MCC: variants seen among roughly 807,000 people sequenced by gnomAD.
MCC encodes the protein colorectal mutant cancer protein.
In MCC, 90 loss-of-function variants were observed where a neutral mutation model predicts 116.2. That is an observed-to-expected ratio of 0.77 (90% CI 0.65 to 0.92). The LOEUF is 0.92. Ranked by LOEUF, MCC falls within the 40% of genes least tolerant of loss-of-function variation. MCC has a pLI of 0.00. For synonymous variants in MCC, 578 were observed against 510.5 expected (o/e 1.13, Z -1.78); for missense variants, 1,516 against 1,312.2 (o/e 1.16, Z -2.40).
intron 3 of MCC, among the ~76,000 whole-genome samples, chr5:113,179,570 A>C (rs561267752): frequency 8.5e-5 from 13 of 152,246 alleles, no homozygotes; most frequent in Non-Finnish European, 1.5e-4. Flanking sequence ...GAATTTTATT[A>C]AACTAAGACA....
rs747148204 is a variant in MCC at position 113,085,213 on chromosome 5, G to C, written c.1496C>G (p.Thr499Ser). The part of the protein sequence containing the change: ...TSTNRPINPS[T>S]GELSTSSSSN... ...GCTGCTGCTTGTGCTCAGCTCCCCA[G>C]TGCTGGGGTTAATCGGGCGGTTGGT... is the stretch of plus-strand genomic sequence containing the variant. The change falls in exon 9 of 19, where the codon ACT (threonine) becomes AGT (serine). Residue 499 changes from threonine (T) to serine (S), a missense_variant. Transcript: ENST00000408903. The C allele has an allele frequency of 6.2e-7, 1 of 1,614,098 alleles. No individual in the cohort carries two copies. Among genetic ancestry groups the C allele is most frequent in the East Asian group, 2.2e-5 (1 of 44,892 alleles).
intron 3 of MCC, among the ~76,000 whole-genome samples, chr5:113,229,858 G>T (rs1258788456): frequency 1.3e-5 from 2 of 152,238 alleles, no homozygotes; most frequent in Non-Finnish European, 2.9e-5. Context: ...GCCTAGATGT[G>T]TAGTAAGTAG....
intron 1 of MCC, among the ~76,000 whole-genome samples, chr5:113,479,488 G>A (rs1008251062): frequency 1.3e-5 from 2 of 151,924 alleles, no homozygotes; most frequent in South Asian, 4.2e-4. Context: ...ACTGCATATC[G>A]GTTAGCTCTT....
chr5:113,392,514 TA>T (rs543127777), intron 1 of MCC, among the ~76,000 whole-genome samples: 3,249 of 141,368 alleles, frequency 0.023, 263 homozygotes, highest in Admixed American at 0.17. Flanking sequence ...TGGCAACATC[TA>T]AAAAAAAAAA....
intron 2 of MCC, among the ~76,000 whole-genome samples, chr5:113,374,161 C>T (rs1247287178): frequency 3.3e-5 from 5 of 151,558 alleles, no homozygotes; most frequent in African/African-American, 1.2e-4. Flanking sequence ...CCAAAGGCTG[C>T]GGTTACAGGC....
At chr5:113,432,188 C>T (rs1249164316) in intron 1 of MCC, among the ~76,000 whole-genome samples, 4 of 151,628 alleles carry the variant, frequency 2.6e-5, no homozygotes, top group African/African-American at 4.8e-5. Flanking sequence ...CATGGTGGCA[C>T]GTGCCTGTAA....
intron 5 of MCC, among the ~76,000 whole-genome samples, chr5:113,142,368 A>C (rs1337090060): frequency 6.6e-6 from 1 of 151,856 alleles, no homozygotes; most frequent in Non-Finnish European, 1.5e-5. Flanking sequence ...AGGAACATGA[A>C]AATGCTCTCA....
Position 113,209,355 on chromosome 5 carries a change from TC to T in MCC, c.628-57934del, listed in dbSNP as rs143437730. Among the ~76,000 whole-genome samples the T allele has an allele frequency of 5.5e-3, 840 of 152,284 alleles. 7 individuals carry two copies. Among genetic ancestry groups the T allele is most frequent in the African/African-American group, 0.019 (769 of 41,546 alleles). On this transcript the variant is annotated intron_variant, in intron 3 of 18. Coordinates refer to ENST00000408903, the MANE Select transcript of MCC (RefSeq NM_001085377.2). ...CTCCCAATTGTCATATATCAATGGC[TC>T]CCCAGTCAGTCATGCTCTGCCTAAG...
intron 3 of MCC, among the ~76,000 whole-genome samples, chr5:113,287,192 G>C (rs976753114): frequency 6.6e-6 from 1 of 152,086 alleles, no homozygotes; most frequent in Non-Finnish European, 1.5e-5. Flanking sequence ...AATTCTTGTT[G>C]TCTTCTTTGG....
At chr5:113,334,705 C>G (rs557359308) in intron 3 of MCC, among the ~76,000 whole-genome samples, 1 of 149,366 alleles carries the variant, frequency 6.7e-6, no homozygotes, top group Non-Finnish European at 1.5e-5. Context: ...ATTCTCTGGT[C>G]TCATCCTCCT....
At chr5:113,211,758 A>G (rs1763143534) in intron 3 of MCC, among the ~76,000 whole-genome samples, 1 of 152,030 alleles carries the variant, frequency 6.6e-6, no homozygotes, top group Admixed American at 6.6e-5. Context: ...TTATCCTAAA[A>G]CTCCCCTTAA....
chr5:113,067,982 G>T, intron 13 of MCC, 98 bp downstream of exon 13: 1 of 1,038,604 alleles, frequency 9.6e-7, no homozygotes, highest in Non-Finnish European at 1.5e-6. Flanking sequence ...CAAATTTTGT[G>T]TTGTCGGGAG....
At position 113,068,117 on chromosome 5, in the gene MCC, C is replaced by T. The variant is rs760723649; in HGVS notation, c.1992G>A (p.Leu664=). 6.2e-7 allele frequency: 1 copy of T among 1,614,204 alleles called. No homozygotes were observed. The highest frequency in any genetic ancestry group is 1.1e-5 in the South Asian group (1 of 91,086). Residue 664 remains leucine (L), a synonymous_variant, in exon 13 of 19, where the codon CTG becomes CTA. Coordinates refer to ENST00000408903, the MANE Select transcript of MCC (RefSeq NM_001085377.2). ...ALAESEQSLI[L]GQFRAAGVGS... ...CCACGCCCGCCGCTCGGAACTGCCC[C>T]AGGATGAGGCTCTGCTCACTCTCTG...
At chr5:113,205,285 T>C (rs1762870111) in intron 3 of MCC, among the ~76,000 whole-genome samples, 1 of 152,184 alleles carries the variant, frequency 6.6e-6, no homozygotes, top group African/African-American at 2.4e-5. Flanking sequence ...GTTAAAGGCC[T>C]AGAGGCAAGG....
intron 3 of MCC, among the ~76,000 whole-genome samples, chr5:113,197,532 A>G (rs6876870): frequency 0.067 from 10,251 of 152,222 alleles, 659 homozygotes; most frequent in Admixed American, 0.19. Context: ...ATCATAAAGT[A>G]AAATAAGCTC....
At chr5:113,126,879 TAA>T (rs1337456287) in intron 5 of MCC, among the ~76,000 whole-genome samples, 1 of 152,216 alleles carries the variant, frequency 6.6e-6, no homozygotes, top group Non-Finnish European at 1.5e-5. Flanking sequence ...TGGGGTTTTT[TAA>T]ACTCTTATTT....
intron 3 of MCC, among the ~76,000 whole-genome samples, chr5:113,214,592 A>G (rs568230486): frequency 6.6e-6 from 1 of 152,268 alleles, no homozygotes; most frequent in Middle Eastern, 3.4e-3. Flanking sequence ...TCCAAGCCCC[A>G]GCCTTATCAG....
intron 3 of MCC, among the ~76,000 whole-genome samples, chr5:113,327,734 A>G: frequency 6.6e-6 from 1 of 150,726 alleles, no homozygotes; most frequent in African/African-American, 2.4e-5. Flanking sequence ...CTGAAGGACA[A>G]AGAGCAGCTG....
At chr5:113,342,084 T>C (rs1256205587) in intron 2 of MCC, among the ~76,000 whole-genome samples, 1 of 151,986 alleles carries the variant, frequency 6.6e-6, no homozygotes, top group Non-Finnish European at 1.5e-5. Flanking sequence ...AGTGAGAACA[T>C]ATGATGTTTG....
Sources: allele counts gnomAD v4.1 joint callset (sites outside exome capture counted in the v4.1 genomes callset), GRCh38; gene constraint gnomAD v4.1.1; transcripts MANE v1.5; gene names NCBI Gene and HGNC (gene_info 2026-07-23, HGNC 2026-07-21).